The following HPSE2 variants were observed in gnomAD, a reference collection of about 807,000 sequenced individuals.
HPSE2 encodes inactive heparanase-2.
In HPSE2, 38 loss-of-function variants were observed where a neutral mutation model predicts 60.5. The observed-to-expected ratio is 0.63, with a 90% CI of 0.48 to 0.82. The LOEUF (loss-of-function observed/expected upper bound fraction) is 0.82, where lower values mean the gene tolerates loss of function less well. Among genes scored for constraint, HPSE2 ranks in the 40% least tolerant of loss-of-function variants. The probability of loss-of-function intolerance (pLI) is 0.00; values close to 1 mark genes in which losing one functional copy is unlikely to be tolerated. For missense variants in HPSE2, 713 were observed against 740.4 expected, an observed-to-expected ratio of 0.96 and a Z score of 0.43; for synonymous variants, 295 against 293.2, an observed-to-expected ratio of 1.01 and a Z score of -0.06.
intron 3 of HPSE2, among the ~76,000 whole-genome samples, chr10:99,085,204 G>A (rs1843276384): frequency 6.6e-6 from 1 of 152,164 alleles, no homozygotes; most frequent in South Asian, 2.1e-4. Context: ...ATGCAGCCAT[G>A]ACTGCTCAGT....
intron 2 of HPSE2, among the ~76,000 whole-genome samples, chr10:99,182,789 G>A (rs1376907938): frequency 6.6e-6 from 1 of 152,054 alleles, no homozygotes; most frequent in Non-Finnish European, 1.5e-5. Flanking sequence ...GAGGTCAGGA[G>A]ATCGAGACCA....
At position 99,218,310 on chromosome 10, in the gene HPSE2, C is replaced by G. The variant is rs548702067; in HGVS notation, c.448+14038G>C. Reference sequence around the variant, plus strand: ...GGTAAGGGGCAAGGTGTCAGAAAGGCCAGCACCTTCATTTGGAATTTATTG... The same window carrying G: ...GGTAAGGGGCAAGGTGTCAGAAAGGGCAGCACCTTCATTTGGAATTTATTG... On this transcript the variant is annotated intron_variant, in intron 2 of 11. Transcript: ENST00000370552. 7.3e-5 allele frequency among the ~76,000 whole-genome samples: 11 copies of G among 151,228 alleles called. No homozygotes were observed. The South Asian group carries it at 2.3e-3, about 32-fold the overall frequency.
chr10:98,507,451 A>G (rs1475483947), intron 9 of HPSE2, among the ~76,000 whole-genome samples: 1 of 152,126 alleles, frequency 6.6e-6, no homozygotes, highest in African/African-American at 2.4e-5. Flanking sequence ...AAGAGAGAAG[A>G]GTTTATGATG....
intron 9 of HPSE2, among the ~76,000 whole-genome samples, chr10:98,595,262 C>T (rs974499906): frequency 2.7e-5 from 4 of 150,518 alleles, no homozygotes; most frequent in African/African-American, 7.3e-5. Flanking sequence ...CTCCGCCTCC[C>T]GGGTTCACGC....
At chr10:99,158,533 A>G (rs1302019861) in intron 2 of HPSE2, among the ~76,000 whole-genome samples, 3 of 139,634 alleles carry the variant, frequency 2.1e-5, no homozygotes, top group Non-Finnish European at 4.6e-5. Flanking sequence ...TATTCTCACT[A>G]ATAGGTGGGA....
chr10:99,313,205 G>C, the HPSE2 span, among the ~76,000 whole-genome samples: 1 of 152,156 alleles, frequency 6.6e-6, no homozygotes, highest in Non-Finnish European at 1.5e-5. Context: ...ACTAATACAA[G>C]ATGCCATTAA....
chr10:98,555,304 C>CCCTTTTTATG (rs1451440155), intron 9 of HPSE2, among the ~76,000 whole-genome samples: 2 of 152,184 alleles, frequency 1.3e-5, no homozygotes, highest in African/African-American at 4.8e-5. Flanking sequence ...TGGGATTCCA[C>CCCTTTTTATG]CCTTTTTATG....
intron 3 of HPSE2, among the ~76,000 whole-genome samples, chr10:98,906,570 A>G (rs566238811): frequency 6.6e-6 from 1 of 152,342 alleles, no homozygotes; most frequent in East Asian, 1.9e-4. Context: ...AACAGACAGT[A>G]AAATTTAGGT....
At chr10:98,779,981 T>A (rs1209145106) in intron 3 of HPSE2, among the ~76,000 whole-genome samples, 2 of 152,166 alleles carry the variant, frequency 1.3e-5, no homozygotes, top group African/African-American at 2.4e-5. Context: ...GGGTCTCTCA[T>A]AATATATATT....
chr10:98,597,934 G>A (rs1403134222), intron 9 of HPSE2, among the ~76,000 whole-genome samples: 3 of 123,982 alleles, frequency 2.4e-5, no homozygotes. Context: ...TCATGCCACT[G>A]CACTCCAGCC....
intron 5 of HPSE2, among the ~76,000 whole-genome samples, chr10:98,715,897 C>T (rs1948778762): frequency 6.6e-6 from 1 of 151,888 alleles, no homozygotes; most frequent in Non-Finnish European, 1.5e-5. Flanking sequence ...GGGATGTTTG[C>T]CACATTAAGT....
At chr10:98,600,875 G>GTGTA (rs1945386522) in intron 9 of HPSE2, among the ~76,000 whole-genome samples, 3 of 119,140 alleles carry the variant, frequency 2.5e-5, no homozygotes, top group South Asian at 2.7e-4. Flanking sequence ...ACGTATATAT[G>GTGTA]TATATATACA....
At chr10:98,788,573 A>C (rs1419151264) in intron 3 of HPSE2, among the ~76,000 whole-genome samples, 2 of 151,690 alleles carry the variant, frequency 1.3e-5, no homozygotes, top group Non-Finnish European at 1.5e-5. Context: ...TTGATCTCAG[A>C]CTGCTGTGCT....
rs181939052 is a variant in HPSE2, at chr10:98,847,216, C to A, written c.611-103160G>T. Among the ~76,000 whole-genome samples, 4 of 152,322 alleles carry A rather than the reference C, an allele frequency of 2.6e-5. No individual in the cohort carries two copies. In the East Asian group the frequency reaches 7.7e-4, roughly 29 times the overall value. On this transcript the variant is annotated intron_variant, in intron 3 of 11. Coordinates refer to ENST00000370552, the MANE Select transcript of HPSE2 (RefSeq NM_021828.5). The stretch of plus-strand genomic sequence containing the variant: ...GTAGAGTCTATGTCCCCTTGCCTTT[C>A]CATCAGAGATGGCTCATACTGCCTC...
At chr10:99,079,542 A>T (rs1334173540) in intron 3 of HPSE2, among the ~76,000 whole-genome samples, 1 of 152,074 alleles carries the variant, frequency 6.6e-6, no homozygotes, top group African/African-American at 2.4e-5. Context: ...CTCTGTGCTG[A>T]GCTGGGATTG....
chr10:98,804,423 C>G (rs555307232), intron 3 of HPSE2, among the ~76,000 whole-genome samples: 1 of 152,052 alleles, frequency 6.6e-6, no homozygotes, highest in South Asian at 2.1e-4. Flanking sequence ...GGAACCCAAA[C>G]AACTCTACAG....
chr10:98,728,262 A>G (rs1949139680), intron 4 of HPSE2, among the ~76,000 whole-genome samples: 1 of 152,214 alleles, frequency 6.6e-6, no homozygotes, highest in African/African-American at 2.4e-5. Flanking sequence ...TATAATATTT[A>G]GAATAATAAT....
intron 2 of HPSE2, among the ~76,000 whole-genome samples, chr10:99,186,104 C>CCACACACA (rs527839752): frequency 0.015 from 1,199 of 80,724 alleles, 30 homozygotes; most frequent in East Asian, 0.027. Flanking sequence ...GGATAAATAA[C>CCACACACA]CACACACACA....
intron 3 of HPSE2, among the ~76,000 whole-genome samples, chr10:98,972,198 T>C (rs1391943987): frequency 6.6e-6 from 1 of 152,152 alleles, no homozygotes; most frequent in East Asian, 1.9e-4. Context: ...TTTTCCTAAG[T>C]AAAATTTTCT....
Sources: gnomAD v4.1 joint callset for allele counts (sites outside exome capture counted in the v4.1 genomes callset) on GRCh38, gnomAD v4.1.1 for gene constraint, MANE v1.5 for transcripts, NCBI Gene and HGNC (gene_info 2026-07-23, HGNC 2026-07-21) for gene names.